The following PELI2 variants were observed in gnomAD, a reference collection of about 807,000 sequenced individuals.
PELI2 encodes the protein E3 ubiquitin-protein ligase pellino homolog 2.
Under a neutral mutation model 42.3 loss-of-function variants are expected in PELI2, and 23 were observed. The ratio of observed to expected loss-of-function variants is 0.54; its 90% confidence interval spans 0.39 to 0.77. PELI2 has a LOEUF of 0.77. Among genes scored for constraint, PELI2 ranks in the 30% least tolerant of loss-of-function variants. The pLI is 0.00. For missense variants in PELI2, 463 were observed against 553.2 expected (o/e 0.84, Z 1.64); for synonymous variants, 245 against 212.2 (o/e 1.15, Z -1.34).
intron 2 of PELI2, among the ~76,000 whole-genome samples, chr14:56,186,862 G>A (rs900529601): frequency 1.3e-5 from 2 of 152,068 alleles, no homozygotes; most frequent in African/African-American, 4.8e-5. Context: ...ATGTCAGTGC[G>A]GAAAGAATAG....
chr14:56,150,915 T>C (rs998168622), intron 1 of PELI2, among the ~76,000 whole-genome samples: 8 of 152,218 alleles, frequency 5.3e-5, no homozygotes, highest in Admixed American at 6.5e-5. Context: ...CAGGATTCCT[T>C]CATCCTTGAC....
At chr14:56,150,451 A>C (rs1490941175) in intron 1 of PELI2, among the ~76,000 whole-genome samples, 1 of 152,162 alleles carries the variant, frequency 6.6e-6, no homozygotes, top group African/African-American at 2.4e-5. Context: ...TATACTCAGT[A>C]GTCACTTTAA....
chr14:56,151,646 G>T (rs191766236), intron 1 of PELI2, among the ~76,000 whole-genome samples: 1 of 152,166 alleles, frequency 6.6e-6, no homozygotes. Flanking sequence ...CTTAGATGAG[G>T]ATATTAACAG....
intron 2 of PELI2, among the ~76,000 whole-genome samples, chr14:56,233,958 C>T (rs1368375685): frequency 6.6e-6 from 1 of 152,222 alleles, no homozygotes; most frequent in Non-Finnish European, 1.5e-5. Flanking sequence ...ACAGATACTT[C>T]TCAAAAGAAG....
chr14:56,160,450 G>A (rs774196818), intron 1 of PELI2, among the ~76,000 whole-genome samples: 41 of 152,044 alleles, frequency 2.7e-4, no homozygotes, highest in Admixed American at 3.3e-4. Context: ...ATGGTGTGTG[G>A]GTACATAAAT....
At chr14:56,145,127 TGG>T in intron 1 of PELI2, 1 of 198,266 alleles carries the variant, frequency 5.0e-6, no homozygotes, top group Non-Finnish European at 9.1e-6. Context: ...GTAGTGTGGC[TGG>T]GGAGGCCTCA....
At chr14:56,202,493 C>T (rs902361124) in intron 2 of PELI2, among the ~76,000 whole-genome samples, 1 of 123,784 alleles carries the variant, frequency 8.1e-6, no homozygotes, top group Non-Finnish European at 1.9e-5. Context: ...TCCCCTCCTT[C>T]GCTACACTTG....
intron 1 of PELI2, among the ~76,000 whole-genome samples, chr14:56,140,723 A>G (rs1219112861): frequency 6.6e-6 from 1 of 152,242 alleles, no homozygotes; most frequent in East Asian, 1.9e-4. Context: ...CAAGGACTTA[A>G]TAGTGTTTTC....
chr14:56,129,034 A>G (rs1187175648), intron 1 of PELI2, among the ~76,000 whole-genome samples: 1 of 152,094 alleles, frequency 6.6e-6, no homozygotes, highest in Non-Finnish European at 1.5e-5. Context: ...AGGGATATCC[A>G]GTGCCTTTGG....
chr14:56,272,381 C>T (rs1215848865), intron 2 of PELI2, among the ~76,000 whole-genome samples: 2 of 152,216 alleles, frequency 1.3e-5, no homozygotes, highest in Non-Finnish European at 2.9e-5. Flanking sequence ...GCATGCACAC[C>T]GCATTCCCTT....
chr14:56,157,004 T>C (rs1165341370), intron 1 of PELI2, among the ~76,000 whole-genome samples: 1 of 152,252 alleles, frequency 6.6e-6, no homozygotes, highest in Non-Finnish European at 1.5e-5. Flanking sequence ...ATTATGTACA[T>C]GGCTGTTGAC....
chr14:56,183,273 T>C (rs534310420), intron 2 of PELI2, among the ~76,000 whole-genome samples: 16 of 152,282 alleles, frequency 1.1e-4, no homozygotes, highest in African/African-American at 3.4e-4. Context: ...TAAGAATATC[T>C]TTAATACTGT....
At chr14:56,252,679 G>A (rs896830528) in intron 2 of PELI2, among the ~76,000 whole-genome samples, 1 of 152,024 alleles carries the variant, frequency 6.6e-6, no homozygotes, top group African/African-American at 2.4e-5. Context: ...AAAAAAGGAG[G>A]ATCAATAACA....
chr14:56,120,098 A>C (rs989996534), intron 1 of PELI2, among the ~76,000 whole-genome samples: 35 of 152,306 alleles, frequency 2.3e-4, no homozygotes, highest in Non-Finnish European at 4.6e-4. Context: ...ACCTATTTTG[A>C]AGCTGTTTGC....
intron 1 of PELI2, among the ~76,000 whole-genome samples, chr14:56,156,783 T>G (rs1391692143): frequency 6.6e-6 from 1 of 152,218 alleles, no homozygotes; most frequent in Non-Finnish European, 1.5e-5. Flanking sequence ...GGCTAGTGGC[T>G]ACTATGTTGG....
At chr14:56,198,118 G>A (rs1485994906) in intron 2 of PELI2, among the ~76,000 whole-genome samples, 1 of 152,168 alleles carries the variant, frequency 6.6e-6, no homozygotes, top group East Asian at 1.9e-4. Flanking sequence ...GAAGCAACGG[G>A]ACTCTCTCAG....
At chr14:56,232,786 G>A (rs1220940691) in intron 2 of PELI2, among the ~76,000 whole-genome samples, 2 of 138,582 alleles carry the variant, frequency 1.4e-5, no homozygotes, top group Admixed American at 1.5e-4. Flanking sequence ...AAGAAATAAA[G>A]GGTATTCAAT....
At chr14:56,263,468 C>G (rs1359409145) in intron 2 of PELI2, among the ~76,000 whole-genome samples, 1 of 151,970 alleles carries the variant, frequency 6.6e-6, no homozygotes, top group East Asian at 1.9e-4. Flanking sequence ...AGGACTAAAA[C>G]AAATGAGAAA....
intron 2 of PELI2, among the ~76,000 whole-genome samples, chr14:56,251,204 C>T (rs1888331227): frequency 1.3e-5 from 2 of 152,208 alleles, no homozygotes; most frequent in South Asian, 4.1e-4. Context: ...AGCAGGAGCT[C>T]AGCCTGGGAG....
Sources: gnomAD v4.1 joint callset for allele counts (sites outside exome capture counted in the v4.1 genomes callset) on GRCh38, gnomAD v4.1.1 for gene constraint, MANE v1.5 for transcripts, NCBI Gene and HGNC (gene_info 2026-07-23, HGNC 2026-07-21) for gene names.